The following DLEC1 variants were observed in gnomAD, a reference collection of about 807,000 sequenced individuals.
The protein encoded by DLEC1 is deleted in lung and esophageal cancer protein 1.
DLEC1 carries 146 observed loss-of-function variants against 198.1 expected under a neutral mutation model. The observed-to-expected ratio is 0.74, with a 90% CI of 0.64 to 0.85. The LOEUF (loss-of-function observed/expected upper bound fraction) is 0.85, where lower values mean the gene tolerates loss of function less well. Ranked by LOEUF, DLEC1 falls within the 40% of genes least tolerant of loss-of-function variation. DLEC1 has a pLI of 0.00. For missense variants in DLEC1, 2,233 were observed against 2,220.0 expected (o/e 1.01, Z -0.12); for synonymous variants, 897 against 866.8 (o/e 1.03, Z -0.61).
intron 13 of DLEC1, 48 bp from the exon 14 acceptor site, chr3:38,095,840 C>T (rs748851301): frequency 9.9e-6 from 16 of 1,610,530 alleles, no homozygotes; most frequent in Non-Finnish European, 1.2e-5. Flanking sequence ...TCCAGGACAA[C>T]CTGCTGGAAC....
chr3:38,049,329 C>CT (rs1192229286), intron 2 of DLEC1, among the ~76,000 whole-genome samples: 1 of 152,070 alleles, frequency 6.6e-6, no homozygotes, highest in Non-Finnish European at 1.5e-5. Flanking sequence ...GGTGAGGTAA[C>CT]TTTTTTTTAT....
intron 6 of DLEC1, among the ~76,000 whole-genome samples, chr3:38,071,705 G>A (rs560192667): frequency 6.6e-6 from 1 of 152,330 alleles, no homozygotes; most frequent in Admixed American, 6.5e-5. Flanking sequence ...TGCAGTGAAT[G>A]ACCTTAGCCT....
intron 19 of DLEC1, chr3:38,103,900 C>A (rs529535902): frequency 5.9e-5 from 9 of 152,074 alleles, no homozygotes; most frequent in Non-Finnish European, 1.2e-4. Flanking sequence ...GTTTATGGCA[C>A]CCCAAAACAA....
chr3:38,044,304 A>G (rs1272802647), intron 1 of DLEC1, among the ~76,000 whole-genome samples: 1 of 152,186 alleles, frequency 6.6e-6, no homozygotes, highest in Non-Finnish European at 1.5e-5. Flanking sequence ...CATAACTGCA[A>G]TCCCAGCGCT....
intron 33 of DLEC1, 37 bp from the exon 34 acceptor site, chr3:38,120,411 T>C: frequency 1.2e-6 from 2 of 1,610,072 alleles, no homozygotes; most frequent in South Asian, 2.2e-5. Context: ...ACCTGCCCTC[T>C]GCAGCCGGAG....
At chr3:38,114,600 C>T in intron 26 of DLEC1, 140 bp downstream of exon 26, 1 of 827,024 alleles carries the variant, frequency 1.2e-6, no homozygotes, top group Non-Finnish European at 1.9e-6. Flanking sequence ...GGTTCCAGGC[C>T]AGGGTTTCCC....
chr3:38,114,115 A>AG (rs1189179357), intron 25 of DLEC1, among the ~76,000 whole-genome samples: 1 of 150,638 alleles, frequency 6.6e-6, no homozygotes, highest in East Asian at 1.9e-4. Context: ...TCTACTAAAA[A>AG]AAAAAAAAAA....
chr3:38,100,970 G>A lies in DLEC1; in HGVS notation c.2864+545G>A, dbSNP rs533493238. ...TTTTTTTCTTCTTCATTCTCCCTCC[G>A]CTCCCCCACTTCCCTCCTTTTCTTT... On this transcript the variant is annotated intron_variant, in intron 19 of 36. Coordinates refer to ENST00000308059, the MANE Select transcript of DLEC1 (RefSeq NM_007335.4). Among the ~76,000 whole-genome samples, 12 of 152,072 alleles carry A rather than the reference G, an allele frequency of 7.9e-5. No homozygotes were observed. In the South Asian group the frequency reaches 1.2e-3, roughly 16 times the overall value.
At chr3:38,094,797 G>T in intron 12 of DLEC1, 82 bp from the exon 13 acceptor site, 1 of 1,503,094 alleles carries the variant, frequency 6.7e-7, no homozygotes, top group Non-Finnish European at 9.0e-7. Context: ...GCTCCCTCTT[G>T]GAGCAGGGCA....
chr3:38,062,038 G>T, intron 3 of DLEC1, 131 bp from the exon 4 acceptor site: 1 of 835,510 alleles, frequency 1.2e-6, no homozygotes, highest in Non-Finnish European at 1.9e-6. Flanking sequence ...ATTATAGCTG[G>T]TGTGGTAAAT....
rs1242298607 is a variant in DLEC1, at chr3:38,092,407, T to C, written c.1666-383T>C. Among the ~76,000 whole-genome samples, 22 of 152,036 alleles carry C rather than the reference T, an allele frequency of 1.4e-4. 1 individual carries two copies. The highest frequency in any genetic ancestry group is 4.8e-5 in the African/African-American group (2 of 41,364). On this transcript the variant is annotated intron_variant, in intron 10 of 36. Coordinates refer to ENST00000308059, the MANE Select transcript of DLEC1 (RefSeq NM_007335.4). ...GGGGTTGGGGGAATTGGGGAAAAAA[T>C]AGAAAACAAATCATTGCATTTATGA...
chr3:38,109,158 C>T (rs924861376), intron 21 of DLEC1, among the ~76,000 whole-genome samples: 2 of 152,166 alleles, frequency 1.3e-5, no homozygotes, highest in Admixed American at 6.5e-5. Context: ...AGAGGAAGTG[C>T]GCAGCTTCTC....
At chr3:38,094,468 A>G (rs764848756) in intron 12 of DLEC1, among the ~76,000 whole-genome samples, 16 of 152,202 alleles carry the variant, frequency 1.1e-4, no homozygotes, top group Admixed American at 2.0e-4. Flanking sequence ...GGAAAGGCAG[A>G]GGGCAGGAAT....
chr3:38,122,843 C>CTGA lies in DLEC1; in HGVS notation c.*434_*436dup. The CTGA allele has an allele frequency of 1.2e-6, 1 of 806,046 alleles. No individual in the cohort carries two copies. Among genetic ancestry groups the CTGA allele is most frequent in the Non-Finnish European group, 1.9e-6 (1 of 526,130 alleles). The allele number at this position is 806,046 out of a possible 1,614,324, so 49.9% of individuals were successfully genotyped here. On this transcript the variant is annotated 3_prime_UTR_variant, in exon 37 of 37. Transcript: ENST00000308059. ...TTTATCTTGCACAGCTAAAGAGGGTCTGATGGGTGGCTCAACACCCCACCC... is the reference window on the plus strand; with the variant it reads ...TTTATCTTGCACAGCTAAAGAGGGTCTGATGATGGGTGGCTCAACACCCCACCC...
chr3:38,049,073 G>GTT (rs34325195), intron 2 of DLEC1, among the ~76,000 whole-genome samples: 59,477 of 148,096 alleles, frequency 0.4, 12,079 homozygotes, highest in East Asian at 0.59. Flanking sequence ...AACTATTTGG[G>GTT]TTTTTTTTTT....
chr3:38,074,902 A>G (rs1038300086), intron 6 of DLEC1, among the ~76,000 whole-genome samples: 1 of 152,200 alleles, frequency 6.6e-6, no homozygotes, highest in Non-Finnish European at 1.5e-5. Context: ...AAAAAGGTAC[A>G]TGTACCCTGA....
rs569356843 is a variant in DLEC1, at chr3:38,045,510, A to C, written c.412-33A>C. The C allele has an allele frequency of 4.4e-6, 7 of 1,602,250 alleles. No homozygotes were observed. The South Asian group carries it at 5.6e-5, about 13-fold the overall frequency. ...CTAAGTAATGGTAAGTAATCTCACCATATTTCTGTGCATTTGATCATCCCC... is the reference window on the plus strand; with the variant it reads ...CTAAGTAATGGTAAGTAATCTCACCCTATTTCTGTGCATTTGATCATCCCC... On this transcript the variant is annotated intron_variant, in intron 1 of 36. Transcript: ENST00000308059.
chr3:38,122,929 T>G lies in DLEC1; in HGVS notation c.*517T>G. On this transcript the variant is annotated 3_prime_UTR_variant, in exon 37 of 37. Transcript: ENST00000308059. ...AAATGAGTTGAAGTGCCTTGATCTG[T>G]CCACTGCCACCACCACCAGTGCTGA... 1 of 1,056,672 alleles carries G rather than the reference T, an allele frequency of 9.5e-7. No homozygotes were observed. Among genetic ancestry groups the G allele is most frequent in the East Asian group, 2.4e-5 (1 of 41,500 alleles). The allele number at this position is 1,056,672 out of a possible 1,614,324, so 65.5% of individuals were successfully genotyped here. A position where few individuals can be genotyped will look rare whatever the true frequency, so the allele number is the denominator to read the frequency against.
At chr3:38,052,555 C>T (rs1701174490) in intron 2 of DLEC1, among the ~76,000 whole-genome samples, 1 of 152,202 alleles carries the variant, frequency 6.6e-6, no homozygotes, top group Non-Finnish European at 1.5e-5. Context: ...ATAGCAGGAA[C>T]CGCTGCCTCC....
Sources: gnomAD v4.1 joint callset for allele counts (sites outside exome capture counted in the v4.1 genomes callset) on GRCh38, gnomAD v4.1.1 for gene constraint, MANE v1.5 for transcripts, NCBI Gene and HGNC (gene_info 2026-07-23, HGNC 2026-07-21) for gene names.